CHFR: variants seen among roughly 807,000 people sequenced by gnomAD.
CHFR encodes the protein E3 ubiquitin-protein ligase CHFR.
Under a neutral mutation model 87.6 loss-of-function variants are expected in CHFR, and 57 were observed. The observed-to-expected ratio is 0.65, with a 90% CI of 0.53 to 0.81. The LOEUF (loss-of-function observed/expected upper bound fraction) is 0.81, where lower values mean the gene tolerates loss of function less well. Ranked by LOEUF, CHFR falls within the 30% of genes least tolerant of loss-of-function variation. The probability of loss-of-function intolerance (pLI) is 0.00; values close to 1 mark genes in which losing one functional copy is unlikely to be tolerated. For synonymous variants in CHFR, 381 were observed against 359.2 expected (o/e 1.06, Z -0.69); for missense variants, 797 against 865.8 (o/e 0.92, Z 1.00).
chr12:132,840,890 G>C lies in CHFR; in HGVS notation c.*664C>G, dbSNP rs1206923715. On this transcript the variant is annotated 3_prime_UTR_variant, in exon 18 of 18. Coordinates refer to ENST00000450056, the MANE Select transcript of CHFR (RefSeq NM_001161346.2). ...GACTAACTTGGCGGCCACGTCGAGG[G>C]TTAGCAGTTTTGGACATTGGAAGGT... 1 of 152,454 alleles carries C rather than the reference G, an allele frequency of 6.6e-6. No homozygotes were observed. 9.4% of individuals were successfully genotyped at this position (152,454 alleles called of 1,614,324 possible). A position where few individuals can be genotyped will look rare whatever the true frequency, so the allele number is the denominator to read the frequency against.
chr12:132,886,074 G>C (rs1951885244), intron 2 of CHFR, among the ~76,000 whole-genome samples: 1 of 152,194 alleles, frequency 6.6e-6, no homozygotes, highest in Non-Finnish European at 1.5e-5. Flanking sequence ...CACTTTCGGA[G>C]GCCGAAGCAG....
intron 14 of CHFR, chr12:132,847,769 C>T (rs1287760617): frequency 1.6e-6 from 2 of 1,246,504 alleles, no homozygotes; most frequent in Non-Finnish European, 1.0e-6. Flanking sequence ...AAGGGCGGCA[C>T]CTTCAAGAAG....
chr12:132,887,161 G>A (rs1157403155), intron 2 of CHFR, 35 bp downstream of exon 2: 12 of 1,446,208 alleles, frequency 8.3e-6, no homozygotes, highest in African/African-American at 4.5e-5. Flanking sequence ...GGCTCTGCCC[G>A]GCCCCGGCCC....
At chr12:132,873,002 G>A (rs984421209) in intron 3 of CHFR, among the ~76,000 whole-genome samples, 2 of 152,320 alleles carry the variant, frequency 1.3e-5, no homozygotes, top group Middle Eastern at 3.4e-3. Flanking sequence ...GATGGGGCAG[G>A]AAGTGCCTCC....
rs1305511031 is a variant in CHFR, at chr12:132,832,878, C to T, written c.*8676G>A. Reference sequence around the variant, plus strand: ...CAGTTTCCGGATACTTCCGTTACCTCAGAAGGATCCTTCTTGCATTCACTC... The same window carrying T: ...CAGTTTCCGGATACTTCCGTTACCTTAGAAGGATCCTTCTTGCATTCACTC... On this transcript the variant is annotated 3_prime_UTR_variant, in exon 18 of 18. Coordinates refer to ENST00000450056, the MANE Select transcript of CHFR (RefSeq NM_001161346.2). 3 of 152,244 alleles carry T rather than the reference C, an allele frequency of 2.0e-5. No homozygotes were observed. Among genetic ancestry groups the T allele is most frequent in the Admixed American group, 1.3e-4 (2 of 15,282 alleles). The allele number at this position is 152,244 out of a possible 1,614,324, so 9.4% of individuals were successfully genotyped here.
In CHFR at chr12:132,868,488, C is replaced by T. The variant is rs1480388724; in HGVS notation, c.583+1131G>A. 2.6e-5 allele frequency among the ~76,000 whole-genome samples: 4 copies of T among 151,430 alleles called. No individual in the cohort carries two copies. The East Asian group carries it at 5.8e-4, about 22-fold the overall frequency. On this transcript the variant is annotated intron_variant, in intron 6 of 17. Transcript: ENST00000450056. ...CCGCACTCCAGCCTGGGTGACAGAG[C>T]GAGACTCCATCTCAAAACAAACAAA...
Position 132,875,033 on chromosome 12 carries a change from C to A in CHFR, c.233+2522G>T, listed in dbSNP as rs143067060. Among the ~76,000 whole-genome samples, 637 of 151,676 alleles carry A rather than the reference C, an allele frequency of 4.2e-3. 3 individuals are homozygous for A. The highest frequency in any genetic ancestry group is 0.015 in the African/African-American group (600 of 41,320). ...TGGAGAAGCCAGGCCCTGATGTAGG[C>A]AGGAAAGCCCAGGACCAGCACCCAG... On this transcript the variant is annotated intron_variant, in intron 3 of 17. Transcript: ENST00000450056.
At chr12:132,866,961 G>C (rs187360088) in intron 6 of CHFR, 2 of 152,418 alleles carry the variant, frequency 1.3e-5, no homozygotes, top group Non-Finnish European at 2.9e-5. Flanking sequence ...TTGAACCCGG[G>C]AGGCGGAGGT....
At chr12:132,858,346 C>T (rs1190970842) in intron 8 of CHFR, among the ~76,000 whole-genome samples, 4 of 151,538 alleles carry the variant, frequency 2.6e-5, no homozygotes, top group Non-Finnish European at 5.9e-5. Flanking sequence ...GGTGACAGAG[C>T]GAGACTCTAA....
intron 3 of CHFR, among the ~76,000 whole-genome samples, chr12:132,875,897 G>A (rs12832132): frequency 0.27 from 40,952 of 152,018 alleles, 5,821 homozygotes; most frequent in Middle Eastern, 0.43. Context: ...AAAGCTGGCC[G>A]GGCGCGATGG....
intron 17 of CHFR, 95 bp downstream of exon 17, chr12:132,842,916 A>T (rs1438635468): frequency 1.9e-6 from 2 of 1,027,298 alleles, no homozygotes; most frequent in Admixed American, 4.0e-5. Context: ...ATGCAACCTG[A>T]GAGAAGCATA....
chr12:132,845,218 G>A (rs1265574605), intron 15 of CHFR, among the ~76,000 whole-genome samples: 1 of 151,966 alleles, frequency 6.6e-6, no homozygotes, highest in Non-Finnish European at 1.5e-5. Context: ...CACTTTGGGA[G>A]GCCGAGGCAG....
At chr12:132,874,661 G>A in intron 3 of CHFR, among the ~76,000 whole-genome samples, 1 of 145,926 alleles carries the variant, frequency 6.9e-6, no homozygotes, top group African/African-American at 2.5e-5. Context: ...CCCGGAACAG[G>A]CGGGACTGCC....
intron 3 of CHFR, among the ~76,000 whole-genome samples, chr12:132,873,118 G>A (rs921956941): frequency 3.3e-5 from 5 of 152,230 alleles, no homozygotes; most frequent in African/African-American, 9.6e-5. Flanking sequence ...CGGGCAAAAC[G>A]ACTGAAACCA....
At chr12:132,856,191 G>A (rs1229957177) in intron 10 of CHFR, among the ~76,000 whole-genome samples, 9 of 152,190 alleles carry the variant, frequency 5.9e-5, no homozygotes, top group Admixed American at 2.0e-4. Flanking sequence ...GTCAGCCGAG[G>A]GTGCAAATGT....
In CHFR at chr12:132,834,172, C is replaced by G. The variant is rs1230573463; in HGVS notation, c.*7382G>C. 6.6e-6 allele frequency: 1 copy of G among 152,356 alleles called. No individual in the cohort carries two copies. Among genetic ancestry groups the G allele is most frequent in the East Asian group, 1.9e-4 (1 of 5,198 alleles). The allele number at this position is 152,356 out of a possible 1,614,324, so 9.4% of individuals were successfully genotyped here. On this transcript the variant is annotated 3_prime_UTR_variant, in exon 18 of 18. Coordinates refer to ENST00000450056, the MANE Select transcript of CHFR (RefSeq NM_001161346.2). ...GCGTACGTGGTGGGCCTGGGGTCCC[C>G]ACTGGAAACAGCTCTCTTTGACAAC...
rs192592309 is a variant in CHFR at position 132,860,615 on chromosome 12, C to A, written c.751+852G>T. 1.5e-3 allele frequency among the ~76,000 whole-genome samples: 235 copies of A among 152,350 alleles called. 2 individuals carry two copies. The highest frequency in any genetic ancestry group is 5.4e-3 in the African/African-American group (224 of 41,590). On this transcript the variant is annotated intron_variant, in intron 7 of 17. Coordinates refer to ENST00000450056, the MANE Select transcript of CHFR (RefSeq NM_001161346.2). The stretch of plus-strand genomic sequence containing the variant: ...GACTGCTATACAGCAATGCTTCTAC[C>A]ATAACATTCCCAAATGTTTTCTAAT...
chr12:132,850,964 C>T (rs1469512150), intron 12 of CHFR, among the ~76,000 whole-genome samples: 7 of 135,710 alleles, frequency 5.2e-5, no homozygotes, highest in East Asian at 2.0e-4. Flanking sequence ...TATGTGTGTG[C>T]ATATATATAT....
At position 132,841,233 on chromosome 12, in the gene CHFR, C is replaced by T. The variant is rs906815915; in HGVS notation, c.*321G>A. 6 of 267,890 alleles carry T rather than the reference C, an allele frequency of 2.2e-5. No homozygotes were observed. The highest frequency in any genetic ancestry group is 1.0e-4 in the Admixed American group (2 of 19,934). The allele number at this position is 267,890 out of a possible 1,614,324, so 16.6% of individuals were successfully genotyped here. A position where few individuals can be genotyped will look rare whatever the true frequency, so the allele number is the denominator to read the frequency against. ...CAGACTTCTGCTTTAACTGTAGTTT[C>T]GGAAAATGTACAAAAGAGCAAAACT... On this transcript the variant is annotated 3_prime_UTR_variant, in exon 18 of 18. Transcript: ENST00000450056.
Sources: gnomAD v4.1 joint callset for allele counts (sites outside exome capture counted in the v4.1 genomes callset) on GRCh38, gnomAD v4.1.1 for gene constraint, MANE v1.5 for transcripts, NCBI Gene and HGNC (gene_info 2026-07-23, HGNC 2026-07-21) for gene names.